The following GRIP1 variants were observed in gnomAD, a reference collection of about 807,000 sequenced individuals.
The protein encoded by GRIP1 is glutamate receptor-interacting protein 1.
A neutral mutation model predicts 129.9 loss-of-function variants in GRIP1; 45 were observed. The observed-to-expected ratio is 0.35, with a 90% confidence interval of 0.27 to 0.44. GRIP1 has a LOEUF of 0.44. GRIP1 is among the 20% of genes least tolerant of loss of function. The pLI, the probability that GRIP1 is intolerant of heterozygous loss-of-function variation, is 1.00. For missense variants in GRIP1, 1,196 were observed against 1,396.8 expected, an observed-to-expected ratio of 0.86 and a Z score of 2.29; for synonymous variants, 530 against 520.8, an observed-to-expected ratio of 1.02 and a Z score of -0.24.
chr12:67,050,967 A>T (rs144949186), intron 1 of GRIP1, among the ~76,000 whole-genome samples: 1 of 152,368 alleles, frequency 6.6e-6, no homozygotes, highest in Non-Finnish European at 1.5e-5. Flanking sequence ...CCTAGTAAAA[A>T]GCTAAAATCA....
intron 1 of GRIP1, among the ~76,000 whole-genome samples, chr12:66,836,115 A>G (rs1450238807): frequency 6.6e-6 from 1 of 152,184 alleles, no homozygotes; most frequent in East Asian, 1.9e-4. Flanking sequence ...AGGCTCTAAT[A>G]AAGTAGCAAA....
At chr12:66,547,486 C>T (rs2061982337) in intron 2 of GRIP1, among the ~76,000 whole-genome samples, 1 of 152,166 alleles carries the variant, frequency 6.6e-6, no homozygotes, top group African/African-American at 2.4e-5. Flanking sequence ...ATAATTATCA[C>T]AGCCTTATTC....
At chr12:66,392,156 G>T (rs1592752080) in intron 19 of GRIP1, 152 bp downstream of exon 19, 4 of 645,114 alleles carry the variant, frequency 6.2e-6, no homozygotes, top group Non-Finnish European at 1.1e-5. Flanking sequence ...CCAGCAGAGT[G>T]TAAGTATTCA....
chr12:66,682,194 T>G (rs1391012648), upstream of GRIP1, among the ~76,000 whole-genome samples: 1 of 152,152 alleles, frequency 6.6e-6, no homozygotes, highest in East Asian at 1.9e-4. Context: ...TTAAGTGCAG[T>G]TATCTTTTGA....
At chr12:66,807,891 C>T (rs564101472), upstream of GRIP1, among the ~76,000 whole-genome samples, 1 of 152,046 alleles carries the variant, frequency 6.6e-6, no homozygotes, top group African/African-American at 2.4e-5. Flanking sequence ...CGGACTAATA[C>T]ACTTCTGAAT....
intron 1 of GRIP1, among the ~76,000 whole-genome samples, chr12:67,048,028 A>C (rs2043281491): frequency 6.6e-6 from 1 of 152,106 alleles, no homozygotes; most frequent in Admixed American, 6.5e-5. Context: ...AGACATTTAC[A>C]TTTGTGGTTC....
In GRIP1 at chr12:66,363,199, CCATATATATA is replaced by C. The variant is rs2054902596; in HGVS notation, c.3012+8485_3012+8494del. Among the ~76,000 whole-genome samples the C allele has an allele frequency of 7.9e-4, 28 of 35,338 alleles. 3 individuals carry two copies. The highest frequency in any genetic ancestry group is 1.9e-3 in the South Asian group (2 of 1,070). 23.2% of individuals were successfully genotyped at this position (35,338 alleles called of 152,430 possible). ...TATATGTATATATGTGTGTGTGTGTCCATATATATATATATATATATATATATATAAAGTT... is the reference window on the plus strand; with the variant it reads ...TATATGTATATATGTGTGTGTGTGTCTATATATATATATATATATAAAGTT... On this transcript the variant is annotated intron_variant, in intron 23 of 24. Transcript: ENST00000359742.
chr12:66,671,676 G>A (rs1195113971), intron 1 of GRIP1, among the ~76,000 whole-genome samples: 2 of 152,052 alleles, frequency 1.3e-5, no homozygotes, highest in African/African-American at 4.8e-5. Context: ...AAAACAGAAG[G>A]GCTGCTTCTC....
intron 4 of GRIP1, among the ~76,000 whole-genome samples, chr12:66,536,010 T>C (rs1389578135): frequency 6.6e-6 from 1 of 152,200 alleles, no homozygotes; most frequent in African/African-American, 2.4e-5. Context: ...TTCTTATCCA[T>C]TCCTGTTAAC....
chr12:66,582,507 C>T (rs1014477470), intron 2 of GRIP1, among the ~76,000 whole-genome samples: 5 of 147,448 alleles, frequency 3.4e-5, no homozygotes, highest in African/African-American at 1.0e-4. Context: ...CTAGAAAACC[C>T]CATTGTCTCA....
intron 1 of GRIP1, among the ~76,000 whole-genome samples, chr12:66,815,625 T>C (rs557777650): frequency 6.8e-4 from 104 of 152,008 alleles, no homozygotes; most frequent in Non-Finnish European, 7.4e-5. Context: ...TTAGCCAGGC[T>C]TTGTGGCACA....
intron 1 of GRIP1, among the ~76,000 whole-genome samples, chr12:66,707,502 C>CAAAAAAAAAA (rs1565979272): frequency 1.2e-5 from 1 of 86,002 alleles, no homozygotes; most frequent in Non-Finnish European, 2.3e-5. Flanking sequence ...CAATCACTGA[C>CAAAAAAAAAA]TAAAAAAAAA....
chr12:66,884,043 A>G (rs1592927870), intron 1 of GRIP1, among the ~76,000 whole-genome samples: 1 of 152,270 alleles, frequency 6.6e-6, no homozygotes, highest in Non-Finnish European at 1.5e-5. Context: ...ACACTTACTA[A>G]ATGTTAGCTC....
chr12:67,020,251 CTG>C (rs1054212852), intron 1 of GRIP1, among the ~76,000 whole-genome samples: 4 of 152,180 alleles, frequency 2.6e-5, no homozygotes, highest in Admixed American at 6.5e-5. Flanking sequence ...ATTTCACAGT[CTG>C]TGTCATGAAA....
chr12:66,814,202 C>A (rs945375694), intron 1 of GRIP1, among the ~76,000 whole-genome samples: 8 of 151,992 alleles, frequency 5.3e-5, no homozygotes, highest in African/African-American at 1.7e-4. Context: ...CAACTGTGAG[C>A]AAGTTAAACT....
chr12:66,953,214 G>A (rs1334920089), intron 1 of GRIP1, among the ~76,000 whole-genome samples: 1 of 152,174 alleles, frequency 6.6e-6, no homozygotes, highest in Non-Finnish European at 1.5e-5. Context: ...TCACAAGTGT[G>A]AAAAGGACAG....
At chr12:66,581,625 A>G (rs1273679045) in intron 2 of GRIP1, among the ~76,000 whole-genome samples, 2 of 151,490 alleles carry the variant, frequency 1.3e-5, no homozygotes, top group Non-Finnish European at 2.9e-5. Flanking sequence ...TACTACAAAC[A>G]CCTCTACGCA....
At chr12:66,417,856 T>C (rs912441840) in intron 15 of GRIP1, among the ~76,000 whole-genome samples, 7 of 152,130 alleles carry the variant, frequency 4.6e-5, no homozygotes, top group African/African-American at 1.7e-4. Context: ...AAAATATCCA[T>C]ACTACCCAGA....
intron 1 of GRIP1, among the ~76,000 whole-genome samples, chr12:66,666,270 G>T (rs2033790270): frequency 6.6e-6 from 1 of 152,066 alleles, no homozygotes; most frequent in African/African-American, 2.4e-5. Flanking sequence ...TAAAGCAGGA[G>T]ATGCATTCTA....
Sources: gnomAD v4.1 joint callset for allele counts (sites outside exome capture counted in the v4.1 genomes callset) on GRCh38, gnomAD v4.1.1 for gene constraint, MANE v1.5 for transcripts, NCBI Gene and HGNC (gene_info 2026-07-23, HGNC 2026-07-21) for gene names.